The following TTN variants were observed in gnomAD, a reference collection of about 807,000 sequenced individuals.
TTN encodes connectin.
TTN carries 1,525 observed loss-of-function variants against 3,223.0 expected under a neutral mutation model. The observed-to-expected ratio is 0.47, with a 90% confidence interval of 0.45 to 0.49. TTN has a LOEUF of 0.49. TTN is among the 20% of genes least tolerant of loss of function. The pLI, the probability that TTN is intolerant of heterozygous loss-of-function variation, is 0.00. For missense variants in TTN, 40,786 were observed against 43,424.0 expected (o/e 0.94, Z 5.40); for synonymous variants, 14,094 against 15,161.0 (o/e 0.93, Z 5.17).
intron 270 of TTN, 97 bp from the exon 271 acceptor site, chr2:178,610,486 G>A (rs1014843684): frequency 5.5e-6 from 7 of 1,273,328 alleles, no homozygotes; most frequent in Non-Finnish European, 6.6e-6. Context: ...TTTTGGGTAG[G>A]ATAATCTTTG....
Position 178,536,332 on chromosome 2 carries a change from A to C in TTN, c.100415T>G (p.Leu33472Arg). 6.2e-7 allele frequency: 1 copy of C among 1,613,766 alleles called. No homozygotes were observed. The highest frequency in any genetic ancestry group is 8.5e-7 in the Non-Finnish European group (1 of 1,179,776). The stretch of plus-strand genomic sequence containing the variant: ...TTCACTCCATTCACTTTCCCCACCT[A>C]GATTTTCACATTTCACACGAAACTC... ...EYEFRVKCENLGGESEWSEIS... is the reference protein window; with the variant it reads ...EYEFRVKCENRGGESEWSEIS... Residue 33472 changes from leucine to arginine, a missense_variant, in exon 357 of 363, where the codon CTA (leucine) becomes CGA (arginine). Physicochemically the swap from Leu to Arg is moderately radical, Grantham distance 102. Coordinates refer to ENST00000589042, the MANE Select transcript of TTN (RefSeq NM_001267550.2).
In TTN at chr2:178,561,794, G is replaced by A. The variant is rs753201539; in HGVS notation, c.84338C>T (p.Ser28113Phe). 15 of 1,613,608 alleles carry A rather than the reference G, an allele frequency of 9.3e-6. No individual in the cohort carries two copies. The highest frequency in any genetic ancestry group is 1.3e-5 in the Non-Finnish European group (15 of 1,179,738). ...HIVSQAVART[S>F]IKIVRLTTGS... ...TGTTGTCAGGCGAACTATTTTAATG[G>A]ATGTTCTTGCAACTGCTTGTGAAAC... The change falls in exon 326 of 363, where the codon TCC (serine) becomes TTC (phenylalanine). Residue 28113 changes from serine (S) to phenylalanine (F), a missense_variant. Physicochemically the swap from Ser to Phe is radical, Grantham distance 155. Transcript: ENST00000589042.
Position 178,563,194 on chromosome 2 carries a change from A to G in TTN, c.82938T>C (p.Ile27646=). The part of the protein sequence containing the change: ...LKENTEYNFR[I]CAINSEGVGE... ...CTACACCTTCAGAATTGATGGCACA[A>G]ATACGGAAGTTATATTCAGTGTTTT... Residue 27646 remains isoleucine, a synonymous_variant, in exon 326 of 363, where the codon ATT becomes ATC. Coordinates refer to ENST00000589042, the MANE Select transcript of TTN (RefSeq NM_001267550.2). The surrounding 1 kb of genome is among the most constrained non-coding windows in gnomAD (Gnocchi z 4.5). 6.2e-7 allele frequency: 1 copy of G among 1,613,742 alleles called. No homozygotes were observed. The highest frequency in any genetic ancestry group is 8.5e-7 in the Non-Finnish European group (1 of 1,179,720).
chr2:178,717,052 T>G, intron 88 of TTN, 43 bp downstream of exon 88: 1 of 1,561,632 alleles, frequency 6.4e-7, no homozygotes, highest in Non-Finnish European at 8.7e-7. Flanking sequence ...TTTAAGATAC[T>G]GAAAATGTAA....
At chr2:178,769,965 G>A in intron 36 of TTN, 26 bp from the exon 37 acceptor site, 1 of 1,614,078 alleles carries the variant, frequency 6.2e-7, no homozygotes, top group East Asian at 2.2e-5. Context: ...GAGCACTTCA[G>A]TTAATACAAT....
intron 43 of TTN, among the ~76,000 whole-genome samples, chr2:178,759,482 T>G (rs2088366666): frequency 6.6e-6 from 1 of 152,210 alleles, no homozygotes; most frequent in South Asian, 2.1e-4. Context: ...AGAGACAAGA[T>G]TTTGACATAT....
At position 178,756,782 on chromosome 2, in the gene TTN, C is replaced by T; in HGVS notation, c.10694G>A (p.Arg3565Lys). 1.2e-6 allele frequency: 2 copies of T among 1,613,616 alleles called. No individual in the cohort carries two copies. Among genetic ancestry groups the T allele is most frequent in the Non-Finnish European group, 1.7e-6 (2 of 1,179,714 alleles). Residue 3565 changes from arginine to lysine, a missense_variant, in exon 46 of 363, where the codon AGG (arginine) becomes AAG (lysine). By Grantham distance (26) the Arg-to-Lys change is conservative (BLOSUM62 2). Transcript: ENST00000589042. ...TVTPKVQALD[R>K]QSSGKDVRES... ...TCTTACATCTTTCCCAGAACTTTGC[C>T]TATCTAGGGCTTGCACTGTATAATC... is the stretch of plus-strand genomic sequence containing the variant.
At chr2:178,756,882 T>A in intron 45 of TTN, 85 bp from the exon 46 acceptor site, 2 of 1,247,960 alleles carry the variant, frequency 1.6e-6, no homozygotes, top group Non-Finnish European at 2.2e-6. Flanking sequence ...CAAAATGGCA[T>A]GGAAGATGAA....
In TTN at chr2:178,607,569, T is replaced by C; in HGVS notation, c.53119A>G (p.Thr17707Ala). The C allele has an allele frequency of 6.2e-7, 1 of 1,613,224 alleles. No individual in the cohort carries two copies. Among genetic ancestry groups the C allele is most frequent in the Middle Eastern group, 1.7e-4 (1 of 6,054 alleles). ...TGRPVPTKVW[T>A]KEEGELDKDR... ...TTATCCAGCTCCCCTTCTTCTTTGG[T>C]CCATACTTTTGTAGGTACAGGGCGA... Residue 17707 changes from threonine to alanine, a missense_variant, in exon 277 of 363, where the codon ACC becomes GCC. Coordinates refer to ENST00000589042, the MANE Select transcript of TTN (RefSeq NM_001267550.2).
At position 178,802,159 on chromosome 2, in the gene TTN, T is replaced by C. The variant is rs767442718; in HGVS notation, c.274A>G (p.Thr92Ala). The C allele has an allele frequency of 1.2e-6, 2 of 1,613,974 alleles. No individual in the cohort carries two copies. The change falls in exon 3 of 363, where the codon ACT becomes GCT. Residue 92 changes from threonine to alanine, a missense_variant. By Grantham distance (58) the Thr-to-Ala change is moderately conservative. Transcript: ENST00000589042. ...CTACCTTTCACGAGAAGCTCAGCAG[T>C]ACTAGTCGCTTGTCCAGATCCATTG... ...ATNGSGQATS[T>A]AELLVKAETA...
chr2:178,778,636 T>C (rs970876339), intron 24 of TTN: 1 of 552,642 alleles, frequency 1.8e-6, no homozygotes, highest in South Asian at 2.1e-5. Context: ...ATAAGAGCTA[T>C]TGTGATATTA....
In TTN at chr2:178,543,540, G is replaced by A. The variant is rs878907981; in HGVS notation, c.96433C>T (p.Arg32145Cys). The A allele has an allele frequency of 5.6e-6, 9 of 1,612,356 alleles. No individual in the cohort carries two copies. The highest frequency in any genetic ancestry group is 4.0e-5 in the African/African-American group (3 of 74,910). ...TTGAATGCTCTCATAGCAGCTTCACGCTTCTCAACGATGTAATTGTTGACT... is the reference window on the plus strand; with the variant it reads ...TTGAATGCTCTCATAGCAGCTTCACACTTCTCAACGATGTAATTGTTGACT... ...APVNNYIVEK[R>C]EAAMRAFKTV... The change falls in exon 347 of 363, where the codon CGT becomes TGT. Residue 32145 changes from arginine (R) to cysteine (C), a missense_variant. By Grantham distance (180) the Arg-to-Cys change is radical (BLOSUM62 -3). Coordinates refer to ENST00000589042, the MANE Select transcript of TTN (RefSeq NM_001267550.2).
intron 111 of TTN, among the ~76,000 whole-genome samples, chr2:178,699,646 T>C (rs1156871294): frequency 1.0e-4 from 15 of 145,300 alleles, no homozygotes; most frequent in Admixed American, 2.7e-4. Context: ...CTCCTGACCT[T>C]GTGATCCGCC....
chr2:178,608,148 A>C, intron 275 of TTN, 30 bp downstream of exon 275: 1 of 1,600,748 alleles, frequency 6.2e-7, no homozygotes, highest in South Asian at 1.1e-5. Flanking sequence ...AGCTTGTTCT[A>C]CTCCACCTTC....
intron 282 of TTN, 63 bp from the exon 283 acceptor site, chr2:178,602,653 T>G: frequency 7.9e-7 from 1 of 1,263,092 alleles, no homozygotes; most frequent in Non-Finnish European, 1.1e-6. Context: ...GCTGGAGTCT[T>G]TTACTACACA....
chr2:178,672,795 T>C, intron 152 of TTN, 92 bp from the exon 153 acceptor site: 2 of 1,102,476 alleles, frequency 1.8e-6, no homozygotes, highest in Non-Finnish European at 1.3e-6. Context: ...ATTACAATAA[T>C]TAAAGTTTTT....
chr2:178,725,628 T>C lies in TTN; in HGVS notation c.20576A>G (p.Lys6859Arg). ...GGCTACAACAGTGAGGCTGTTCAGTTTGGAGACAAATCTTGGTGGTTCTGA... is the reference window on the plus strand; with the variant it reads ...GGCTACAACAGTGAGGCTGTTCAGTCTGGAGACAAATCTTGGTGGTTCTGA... ...KLKEPPRFVS[K>R]LNSLTVVAGE... Residue 6859 changes from lysine to arginine, a missense_variant, in exon 71 of 363, where the codon AAA becomes AGA. Transcript: ENST00000589042. 1 of 1,589,112 alleles carries C rather than the reference T, an allele frequency of 6.3e-7. No individual in the cohort carries two copies. The highest frequency in any genetic ancestry group is 8.6e-7 in the Non-Finnish European group (1 of 1,166,586).
rs774912614 is a variant in TTN, at chr2:178,633,636, A to T, written c.42723T>A (p.Thr14241=). ...PYFTVKLHDK[T]AVEKDEITLK... ...AAGTAATCTCATCCTTCTCCACTGCAGTTTTGTCATGTAATTTCACAGTGA... is the reference window on the plus strand; with the variant it reads ...AAGTAATCTCATCCTTCTCCACTGCTGTTTTGTCATGTAATTTCACAGTGA... Residue 14241 remains threonine (T), a synonymous_variant, in exon 232 of 363, where the codon ACT becomes ACA. Transcript: ENST00000589042. 1 of 1,612,998 alleles carries T rather than the reference A, an allele frequency of 6.2e-7. No homozygotes were observed. Among genetic ancestry groups the T allele is most frequent in the Admixed American group, 1.7e-5 (1 of 59,940 alleles).
At chr2:178,672,789 C>T in intron 152 of TTN, 86 bp from the exon 153 acceptor site, 1 of 1,149,182 alleles carries the variant, frequency 8.7e-7, no homozygotes, top group Non-Finnish European at 1.2e-6. Context: ...GCCAACATTA[C>T]AATAATTAAA....
Sources: gnomAD v4.1 joint callset for allele counts (sites outside exome capture counted in the v4.1 genomes callset) on GRCh38, gnomAD v4.1.1 for gene constraint, Gnocchi (gnomAD v3.1) non-coding constraint, MANE v1.5 for transcripts, NCBI Gene and HGNC (gene_info 2026-07-23, HGNC 2026-07-21) for gene names.